NMT1: variants seen among roughly 807,000 people sequenced by gnomAD.
NMT1 encodes N-myristoyltransferase 1.
Under a neutral mutation model 63.4 loss-of-function variants are expected in NMT1, and 12 were observed. That is an observed-to-expected ratio of 0.19 (90% CI 0.12 to 0.31). NMT1 has a LOEUF of 0.31. NMT1 is among the 10% of genes least tolerant of loss of function. The pLI is 1.00. For synonymous variants in NMT1, 228 were observed against 234.3 expected (o/e 0.97, Z 0.25); for missense variants, 432 against 634.6 (o/e 0.68, Z 3.43).
At chr17:45,067,952 A>T (rs931690178) in intron 1 of NMT1, among the ~76,000 whole-genome samples, 3 of 152,186 alleles carry the variant, frequency 2.0e-5, no homozygotes, top group Non-Finnish European at 4.4e-5. Flanking sequence ...CCCCAGCTTT[A>T]CTAAGTTGGC....
intron 1 of NMT1, among the ~76,000 whole-genome samples, chr17:45,072,609 G>T (rs1423431642): frequency 7.0e-6 from 1 of 142,924 alleles, no homozygotes; most frequent in Non-Finnish European, 1.5e-5. Flanking sequence ...GCCCAGGCTG[G>T]AGTGCAGTGG....
rs1446464723 is a variant in NMT1, at chr17:45,107,074, G to A, written c.*1435G>A. On this transcript the variant is annotated 3_prime_UTR_variant, in exon 12 of 12. Coordinates refer to ENST00000258960, the MANE Select transcript of NMT1 (RefSeq NM_021079.5). ...GGAGGTAGCATGACGTGTGGTGTGC[G>A]GGTTTCCTTGCTGCCGTCACCTCTC... is the stretch of plus-strand genomic sequence containing the variant. 4 of 152,212 alleles carry A rather than the reference G, an allele frequency of 2.6e-5. No individual in the cohort carries two copies. Among genetic ancestry groups the A allele is most frequent in the Non-Finnish European group, 4.4e-5 (3 of 68,060 alleles). 9.4% of individuals were successfully genotyped at this position (152,212 alleles called of 1,614,324 possible).
At chr17:45,099,585 A>C (rs2054148286) in intron 8 of NMT1, 72 bp downstream of exon 8, 4 of 1,106,718 alleles carry the variant, frequency 3.6e-6, no homozygotes, top group Non-Finnish European at 5.6e-6. Flanking sequence ...AGCAGGAGAG[A>C]AGGGCTCTGG....
At chr17:45,081,946 C>T (rs1322797818) in intron 2 of NMT1, among the ~76,000 whole-genome samples, 194 bp downstream of exon 2, 1 of 152,168 alleles carries the variant, frequency 6.6e-6, no homozygotes, top group East Asian at 1.9e-4. Context: ...CTAAAAGACA[C>T]AGCAGGTCAG....
At chr17:45,100,071 G>C (rs904581383) in intron 8 of NMT1, among the ~76,000 whole-genome samples, 2 of 152,060 alleles carry the variant, frequency 1.3e-5, no homozygotes, top group African/African-American at 4.8e-5. Context: ...TCCAACTGTG[G>C]CTGGCTTCAG....
Position 45,105,516 on chromosome 17 carries a change from G to A in NMT1, c.1471-103G>A. On this transcript the variant is annotated intron_variant, in intron 11 of 11. Coordinates refer to ENST00000258960, the MANE Select transcript of NMT1 (RefSeq NM_021079.5). The surrounding 1 kb of genome is among the most constrained non-coding windows in gnomAD (Gnocchi z 4.2). The stretch of plus-strand genomic sequence containing the variant: ...TGAGTCTGCTCCCACAGCACAGGCG[G>A]TGGACCCGGGCCCAGCCACTCGGAA... The A allele has an allele frequency of 7.7e-7, 1 of 1,304,832 alleles. No individual in the cohort carries two copies. Among genetic ancestry groups the A allele is most frequent in the Non-Finnish European group, 1.1e-6 (1 of 904,516 alleles). The allele number at this position is 1,304,832 out of a possible 1,614,324, so 80.8% of individuals were successfully genotyped here.
chr17:45,098,240 C>G, intron 6 of NMT1, 142 bp from the exon 7 acceptor site: 1 of 714,446 alleles, frequency 1.4e-6, no homozygotes, highest in Non-Finnish European at 2.4e-6. Flanking sequence ...GGTGGGGAGT[C>G]CCAGTACTGA....
At chr17:45,084,703 A>G (rs1167424220) in intron 2 of NMT1, among the ~76,000 whole-genome samples, 1 of 149,888 alleles carries the variant, frequency 6.7e-6, no homozygotes, top group Non-Finnish European at 1.5e-5. Context: ...CCTGGGCTTA[A>G]GCAGTCCTCC....
At chr17:45,077,582 G>T (rs556117681) in intron 1 of NMT1, among the ~76,000 whole-genome samples, 74 of 152,262 alleles carry the variant, frequency 4.9e-4, no homozygotes, top group Non-Finnish European at 9.6e-4. Context: ...TAGAGACAGG[G>T]TTTCTCCTTA....
intron 1 of NMT1, among the ~76,000 whole-genome samples, chr17:45,073,828 T>C (rs2053958657): frequency 6.6e-6 from 1 of 152,220 alleles, no homozygotes. Flanking sequence ...CTCTGGGCCT[T>C]AGTTTCCTCA....
chr17:45,080,761 G>A (rs974996605), intron 1 of NMT1, among the ~76,000 whole-genome samples: 1 of 151,844 alleles, frequency 6.6e-6, no homozygotes, highest in South Asian at 2.1e-4. Context: ...GAGCCACCGC[G>A]CATTGCTGCC....
intron 1 of NMT1, among the ~76,000 whole-genome samples, chr17:45,074,217 C>CTTTTTTTTT (rs5820559): frequency 1.4e-5 from 2 of 140,270 alleles, no homozygotes; most frequent in African/African-American, 5.4e-5. Context: ...TAAAAGATGA[C>CTTTTTTTTT]TTTTTTTTTT....
chr17:45,096,763 C>T (rs553894957), intron 5 of NMT1, among the ~76,000 whole-genome samples: 1 of 152,344 alleles, frequency 6.6e-6, no homozygotes, highest in Non-Finnish European at 1.5e-5. Flanking sequence ...AAGAGGGAGA[C>T]AGGACACCAG....
At chr17:45,094,172 C>T (rs2054108427) in intron 4 of NMT1, among the ~76,000 whole-genome samples, 1 of 152,010 alleles carries the variant, frequency 6.6e-6, no homozygotes, top group African/African-American at 2.4e-5. Context: ...CTTGTTTTGA[C>T]CTGAGGGATT....
rs1283231811 is a variant in NMT1, at chr17:45,107,642, TA to T, written c.*2004del. 1 of 152,410 alleles carries T rather than the reference TA, an allele frequency of 6.6e-6. No individual in the cohort carries two copies. Among genetic ancestry groups the T allele is most frequent in the Non-Finnish European group, 1.5e-5 (1 of 68,084 alleles). 9.4% of individuals were successfully genotyped at this position (152,410 alleles called of 1,614,324 possible). On this transcript the variant is annotated 3_prime_UTR_variant, in exon 12 of 12. Transcript: ENST00000258960. ...AAGGACAAAGTGCCCAAGTCTTTCC[TA>T]CCTTGGGGGAACCTGGAACTTGGAA... is the stretch of plus-strand genomic sequence containing the variant.
At chr17:45,084,150 TAAAC>T (rs1190028634) in intron 2 of NMT1, among the ~76,000 whole-genome samples, 2 of 152,106 alleles carry the variant, frequency 1.3e-5, no homozygotes. Context: ...AGTCAAAAGA[TAAAC>T]AATAATCTGG....
At chr17:45,085,575 T>G (rs1383054011) in intron 2 of NMT1, among the ~76,000 whole-genome samples, 2 of 31,952 alleles carry the variant, frequency 6.3e-5, no homozygotes, top group Admixed American at 8.4e-4. Context: ...AGATTATATT[T>G]GGGGGATGGG....
At chr17:45,066,002 A>G (rs966117436) in intron 1 of NMT1, among the ~76,000 whole-genome samples, 1 of 151,816 alleles carries the variant, frequency 6.6e-6, no homozygotes, top group African/African-American at 2.4e-5. Flanking sequence ...ATGAGCCACC[A>G]CACCCAGCCT....
rs375725242 is a variant in NMT1, at chr17:45,103,690, T to C, written c.1165-19T>C. 1.1e-4 allele frequency: 172 copies of C among 1,603,528 alleles called. No individual in the cohort carries two copies. The highest frequency in any genetic ancestry group is 1.4e-4 in the Non-Finnish European group (161 of 1,174,574). On this transcript the variant is annotated intron_variant, in intron 9 of 11. Transcript: ENST00000258960. The surrounding 1 kb of genome is among the most constrained non-coding windows in gnomAD (Gnocchi z 4.8). ...CACTGTGCATGCTTGACATTGCCTCTTTATTGCCTTCCCTTCAGAACGCAA... is the reference window on the plus strand; with the variant it reads ...CACTGTGCATGCTTGACATTGCCTCCTTATTGCCTTCCCTTCAGAACGCAA...
Sources: gnomAD v4.1 joint callset for allele counts (sites outside exome capture counted in the v4.1 genomes callset) on GRCh38, gnomAD v4.1.1 for gene constraint, Gnocchi (gnomAD v3.1) non-coding constraint, MANE v1.5 for transcripts, NCBI Gene and HGNC (gene_info 2026-07-23, HGNC 2026-07-21) for gene names.